Variants in SMAD9 observed in about 807,000 individuals in gnomAD.
The protein encoded by SMAD9 is SMAD family member 9.
SMAD9 carries 36 observed loss-of-function variants against 46.1 expected under a neutral mutation model. The ratio of observed to expected loss-of-function variants is 0.78; its 90% CI spans 0.60 to 1.03. SMAD9 has a LOEUF of 1.03. SMAD9 is among the 50% of genes least tolerant of loss of function. The probability of loss-of-function intolerance (pLI) is 0.00; values close to 1 mark genes in which losing one functional copy is unlikely to be tolerated. For synonymous variants in SMAD9, 245 were observed against 237.1 expected (o/e 1.03, Z -0.31); for missense variants, 572 against 599.8 (o/e 0.95, Z 0.48).
intron 1 of SMAD9, among the ~76,000 whole-genome samples, chr13:36,908,944 G>A (rs2058639465): frequency 6.6e-6 from 1 of 152,154 alleles, no homozygotes; most frequent in East Asian, 1.9e-4. Flanking sequence ...TGTGCTCATG[G>A]CAATGAAGTA....
intron 2 of SMAD9, among the ~76,000 whole-genome samples, chr13:36,874,906 T>C (rs2058332220): frequency 6.8e-6 from 1 of 148,136 alleles, no homozygotes; most frequent in Non-Finnish European, 1.5e-5. Flanking sequence ...TATATGTATG[T>C]ATGTATGTAT....
intron 6 of SMAD9, chr13:36,852,381 C>G (rs2058081646): frequency 1.0e-6 from 1 of 985,044 alleles, no homozygotes; most frequent in Non-Finnish European, 1.2e-6. Context: ...TTTTGAAATA[C>G]TAGACTCATT....
intron 3 of SMAD9, among the ~76,000 whole-genome samples, chr13:36,870,902 C>A (rs2058286662): frequency 1.3e-5 from 2 of 152,166 alleles, no homozygotes; most frequent in Admixed American, 1.3e-4. Context: ...CTAATTGACT[C>A]ACAGGTGGAT....
chr13:36,887,283 C>T (rs1199621795), intron 1 of SMAD9, among the ~76,000 whole-genome samples: 2 of 130,996 alleles, frequency 1.5e-5, no homozygotes, highest in South Asian at 2.4e-4. Context: ...AGTGCAGTGG[C>T]GCGATCTCAG....
chr13:36,906,580 A>G (rs2058621828), intron 1 of SMAD9, among the ~76,000 whole-genome samples: 1 of 152,194 alleles, frequency 6.6e-6, no homozygotes, highest in Admixed American at 6.6e-5. Flanking sequence ...AATTCAAAAG[A>G]GGCAAAGCAC....
chr13:36,902,139 T>C lies in SMAD9; in HGVS notation c.-187+17977A>G, dbSNP rs570276714. On this transcript the variant is annotated intron_variant, in intron 1 of 6. Transcript: ENST00000379826. The stretch of plus-strand genomic sequence containing the variant: ...CTCTTATGTTTAGGTTATTGATCAT[T>C]TTCAGTCAACTTTTATATCTAGTGT... 4.6e-5 allele frequency among the ~76,000 whole-genome samples: 7 copies of C among 152,302 alleles called. No homozygotes were observed. In the South Asian group the frequency reaches 1.5e-3, roughly 32 times the overall value.
chr13:36,865,467 G>A (rs1018408760), intron 5 of SMAD9, 70 bp downstream of exon 5: 71 of 1,298,726 alleles, frequency 5.5e-5, no homozygotes, highest in Admixed American at 4.6e-4. Flanking sequence ...GGGTGGTCAC[G>A]TGCACTTCTA....
chr13:36,873,430 C>A (rs1023041959), intron 2 of SMAD9, among the ~76,000 whole-genome samples: 1 of 152,150 alleles, frequency 6.6e-6, no homozygotes, highest in African/African-American at 2.4e-5. Context: ...ATTTAGATGA[C>A]CAGACTCAAT....
At position 36,847,489 on chromosome 13, in the gene SMAD9, C is replaced by T. The variant is rs1314257109; in HGVS notation, c.*1187G>A. ...TTAAAAGATGTCTTATTATTCAGTA[C>T]CACTGTTCCCCAGAAATTGCAGATG... On this transcript the variant is annotated 3_prime_UTR_variant, in exon 7 of 7. Transcript: ENST00000379826. 1 of 152,134 alleles carries T rather than the reference C, an allele frequency of 6.6e-6. No individual in the cohort carries two copies. 9.4% of individuals were successfully genotyped at this position (152,134 alleles called of 1,614,324 possible). A position where few individuals can be genotyped will look rare whatever the true frequency, so the allele number is the denominator to read the frequency against.
intron 2 of SMAD9, among the ~76,000 whole-genome samples, chr13:36,873,636 C>G: frequency 6.6e-6 from 1 of 152,072 alleles, no homozygotes; most frequent in Admixed American, 6.6e-5. Flanking sequence ...GCCGAGGCAG[C>G]CAGATCACCT....
At chr13:36,891,053 T>C (rs1192077494) in intron 1 of SMAD9, among the ~76,000 whole-genome samples, 3 of 152,200 alleles carry the variant, frequency 2.0e-5, no homozygotes, top group Admixed American at 2.0e-4. Flanking sequence ...TAGTTCATGG[T>C]GGTAAACCCA....
chr13:36,880,478 G>T (rs1566027304), intron 1 of SMAD9, among the ~76,000 whole-genome samples: 2 of 151,958 alleles, frequency 1.3e-5, no homozygotes, highest in Non-Finnish European at 2.9e-5. Context: ...AAATACTAAT[G>T]AAAAGAAAAG....
chr13:36,904,216 T>A (rs536610243), intron 1 of SMAD9, among the ~76,000 whole-genome samples: 3 of 152,216 alleles, frequency 2.0e-5, no homozygotes, highest in African/African-American at 7.2e-5. Flanking sequence ...GTACCTCTTA[T>A]TTGATTTTTT....
At chr13:36,871,517 C>CAAA (rs1555240098) in intron 3 of SMAD9, among the ~76,000 whole-genome samples, 12 of 148,548 alleles carry the variant, frequency 8.1e-5, no homozygotes, top group African/African-American at 3.0e-4. Context: ...GACTCCGTCT[C>CAAA]AAAATAAAAA....
chr13:36,849,237 C>G (rs1195021421), intron 6 of SMAD9: 1 of 167,924 alleles, frequency 6.0e-6, no homozygotes, highest in Non-Finnish European at 1.3e-5. Flanking sequence ...CTGGAAGGCG[C>G]TCTTGGTTTT....
intron 1 of SMAD9, among the ~76,000 whole-genome samples, chr13:36,904,686 T>C (rs2058604204): frequency 6.6e-6 from 1 of 152,236 alleles, no homozygotes. Flanking sequence ...AATTATCTTC[T>C]CAGTCAGTAC....
chr13:36,856,517 C>T (rs1025549287), intron 5 of SMAD9, among the ~76,000 whole-genome samples: 1 of 152,146 alleles, frequency 6.6e-6, no homozygotes, highest in African/African-American at 2.4e-5. Flanking sequence ...GCGGAGCCCG[C>T]CCAGAAACAC....
At chr13:36,900,299 G>C (rs1037695071) in intron 1 of SMAD9, among the ~76,000 whole-genome samples, 1 of 151,964 alleles carries the variant, frequency 6.6e-6, no homozygotes, top group Non-Finnish European at 1.5e-5. Flanking sequence ...TTTATTTTGT[G>C]AGATGGAGTC....
chr13:36,871,310 G>A (rs1216049368), intron 3 of SMAD9, among the ~76,000 whole-genome samples: 1 of 152,154 alleles, frequency 6.6e-6, no homozygotes, highest in Non-Finnish European at 1.5e-5. Flanking sequence ...CTGAGGTCAG[G>A]AGTTCGAGAC....
Sources: gnomAD v4.1 joint callset for allele counts (sites outside exome capture counted in the v4.1 genomes callset) on GRCh38, gnomAD v4.1.1 for gene constraint, MANE v1.5 for transcripts, NCBI Gene and HGNC (gene_info 2026-07-23, HGNC 2026-07-21) for gene names.